USP32: variants seen among roughly 807,000 people sequenced by gnomAD.
USP32 encodes ubiquitin carboxyl-terminal hydrolase 32.
In USP32, 59 loss-of-function variants were observed where a neutral mutation model predicts 204.8. That is an observed-to-expected ratio of 0.29 (90% CI 0.23 to 0.36). The LOEUF (loss-of-function observed/expected upper bound fraction) is 0.36, where lower values mean the gene tolerates loss of function less well. USP32 is among the 10% of genes least tolerant of loss of function. USP32 has a pLI of 1.00. For synonymous variants in USP32, 517 were observed against 678.4 expected (o/e 0.76, Z 3.70); for missense variants, 1,160 against 1,946.4 (o/e 0.60, Z 7.60).
rs568957448 is a variant in USP32, at chr17:60,249,691, A to G, written c.1136+2690T>C. ...CACACTTCCATTGTTCTCACCAAGG[A>G]TTAGTAGTTCTTGAATAAATGCTTC... On this transcript the variant is annotated intron_variant, in intron 11 of 33. Coordinates refer to ENST00000300896, the MANE Select transcript of USP32 (RefSeq NM_032582.4). 3.1e-4 allele frequency: 215 copies of G among 700,082 alleles called. No homozygotes were observed. In the East Asian group the frequency reaches 4.4e-3, roughly 14 times the overall value. The allele number at this position is 700,082 out of a possible 1,614,324, so 43.4% of individuals were successfully genotyped here.
chr17:60,239,782 G>C (rs546935498), intron 11 of USP32, among the ~76,000 whole-genome samples: 13 of 152,116 alleles, frequency 8.5e-5, no homozygotes, highest in Admixed American at 8.5e-4. Flanking sequence ...ACCCAGGCTG[G>C]AGTGCAAGTG....
chr17:60,358,206 C>G (rs1273402449), intron 1 of USP32, among the ~76,000 whole-genome samples: 1 of 152,110 alleles, frequency 6.6e-6, no homozygotes, highest in Non-Finnish European at 1.5e-5. Flanking sequence ...TGTAAGCCAC[C>G]ACCCTATGAA....
At chr17:60,254,450 C>T (rs551693839) in intron 10 of USP32, among the ~76,000 whole-genome samples, 1 of 152,266 alleles carries the variant, frequency 6.6e-6, no homozygotes, top group African/African-American at 2.4e-5. Flanking sequence ...CCTGTAATTG[C>T]AGCACTTTGG....
intron 1 of USP32, among the ~76,000 whole-genome samples, chr17:60,418,249 C>T (rs771478191): frequency 3.3e-5 from 5 of 151,850 alleles, no homozygotes; most frequent in African/African-American, 4.8e-5. Context: ...TGAGACCCCT[C>T]GCCTGGCTAA....
At chr17:60,276,566 GA>G (rs994675036) in intron 5 of USP32, among the ~76,000 whole-genome samples, 1 of 152,090 alleles carries the variant, frequency 6.6e-6, no homozygotes, top group African/African-American at 2.4e-5. Context: ...CTTGACGATA[GA>G]AACTGTTCTT....
rs536395501 is a variant in USP32 at position 60,378,358 on chromosome 17, C to A, written c.58+13524G>T. 2.6e-5 allele frequency among the ~76,000 whole-genome samples: 4 copies of A among 152,222 alleles called. No individual in the cohort carries two copies. In the East Asian group the frequency reaches 7.7e-4, roughly 29 times the overall value. ...GTGCATTGCTGGTGGAAATATAAAACGGTACAGAAGCTGTGGAAACCAGTT... is the reference window on the plus strand; with the variant it reads ...GTGCATTGCTGGTGGAAATATAAAAAGGTACAGAAGCTGTGGAAACCAGTT... On this transcript the variant is annotated intron_variant, in intron 1 of 33. Coordinates refer to ENST00000300896, the MANE Select transcript of USP32 (RefSeq NM_032582.4).
At chr17:60,205,112 A>G (rs1270462681) in intron 26 of USP32, among the ~76,000 whole-genome samples, 1 of 152,214 alleles carries the variant, frequency 6.6e-6, no homozygotes, top group Non-Finnish European at 1.5e-5. Flanking sequence ...AAATTTCTAA[A>G]GAAAGTAGTA....
At chr17:60,359,973 T>C (rs1212840332) in intron 1 of USP32, among the ~76,000 whole-genome samples, 1 of 151,718 alleles carries the variant, frequency 6.6e-6, no homozygotes, top group Non-Finnish European at 1.5e-5. Context: ...GTTCACACCA[T>C]TCTCCTGCCT....
chr17:60,297,377 C>G (rs1228404244), intron 3 of USP32, among the ~76,000 whole-genome samples: 1 of 152,026 alleles, frequency 6.6e-6, no homozygotes, highest in African/African-American at 2.4e-5. Context: ...GACTGGGAGA[C>G]AGAATAAAAC....
upstream of USP32, among the ~76,000 whole-genome samples, chr17:60,393,653 C>T (rs1174551361): frequency 6.6e-6 from 1 of 151,744 alleles, no homozygotes; most frequent in African/African-American, 2.4e-5. Context: ...CTAATATACC[C>T]TGCTAGAGAA....
intron 3 of USP32, among the ~76,000 whole-genome samples, chr17:60,296,835 C>T (rs530594339): frequency 7.9e-5 from 12 of 152,100 alleles, no homozygotes; most frequent in African/African-American, 2.9e-4. Context: ...AAAGAAAATC[C>T]TAAGCACCCC....
chr17:60,381,245 C>G (rs1225884856), intron 1 of USP32, among the ~76,000 whole-genome samples: 1 of 151,960 alleles, frequency 6.6e-6, no homozygotes, highest in East Asian at 1.9e-4. Context: ...TCAAGACCAG[C>G]CTGGGAAACA....
intron 2 of USP32, among the ~76,000 whole-genome samples, chr17:60,344,254 G>A (rs1173998189): frequency 2.7e-5 from 4 of 145,820 alleles, no homozygotes; most frequent in Non-Finnish European, 6.0e-5. Context: ...TCAGCCTCCC[G>A]AGTAGCTGGG....
chr17:60,388,289 TACACACACACACACAC>T (rs35068599), intron 1 of USP32, among the ~76,000 whole-genome samples: 6 of 142,016 alleles, frequency 4.2e-5, no homozygotes, highest in South Asian at 2.3e-4. Flanking sequence ...AGCCGATTCT[TACACACACACACACAC>T]ACACACACAC....
At chr17:60,418,949 A>C (rs1420303777) in intron 1 of USP32, among the ~76,000 whole-genome samples, 1 of 152,252 alleles carries the variant, frequency 6.6e-6, no homozygotes, top group East Asian at 1.9e-4. Context: ...AGCGGAAAGT[A>C]GTGTGGTGAA....
At chr17:60,406,516 C>A (rs1337506130) in intron 1 of USP32, among the ~76,000 whole-genome samples, 1 of 151,466 alleles carries the variant, frequency 6.6e-6, no homozygotes, top group Non-Finnish European at 1.5e-5. Flanking sequence ...TCTTCTTTTG[C>A]TTTTTTTTCT....
chr17:60,179,828 G>T (rs1271027158), intron 33 of USP32, among the ~76,000 whole-genome samples: 1 of 151,848 alleles, frequency 6.6e-6, no homozygotes, highest in Admixed American at 6.6e-5. Context: ...GTGCCACCAC[G>T]CCTGGCTAAT....
At position 60,369,299 on chromosome 17, in the gene USP32, A is replaced by G. The variant is rs1247452455; in HGVS notation, c.58+22583T>C. 3.3e-5 allele frequency among the ~76,000 whole-genome samples: 5 copies of G among 151,310 alleles called. No homozygotes were observed. In the East Asian group the frequency reaches 9.9e-4, roughly 30 times the overall value. On this transcript the variant is annotated intron_variant, in intron 1 of 33. Coordinates refer to ENST00000300896, the MANE Select transcript of USP32 (RefSeq NM_032582.4). Reference sequence around the variant, plus strand: ...GTGAGCCACCGCGCCCGGCCAAAAGATATTTTTTAAGCCAGGCATGGTGAC... The same window carrying G: ...GTGAGCCACCGCGCCCGGCCAAAAGGTATTTTTTAAGCCAGGCATGGTGAC...
chr17:60,255,684 G>A (rs1365207966), intron 9 of USP32, among the ~76,000 whole-genome samples: 1 of 152,100 alleles, frequency 6.6e-6, no homozygotes, highest in Non-Finnish European at 1.5e-5. Context: ...GTTCGTTCCT[G>A]TATGTTTTCC....
Sources: allele counts gnomAD v4.1 joint callset (sites outside exome capture counted in the v4.1 genomes callset), GRCh38; gene constraint gnomAD v4.1.1; transcripts MANE v1.5; gene names NCBI Gene and HGNC (gene_info 2026-07-23, HGNC 2026-07-21).